The following DRC11 variants were observed in gnomAD, a reference collection of about 807,000 sequenced individuals.
DRC11 encodes dynein regulatory complex subunit 11, also known as IQ and AAA domain-containing protein 1.
the DRC11 span, among the ~76,000 whole-genome samples, chr2:236,479,400 TG>T: frequency 8.1e-4 from 124 of 152,348 alleles, no homozygotes; most frequent in Middle Eastern, 3.4e-3. The surrounding 1 kb of genome is among the most constrained non-coding windows in gnomAD (Gnocchi z 4.1). Context: ...TTTTTCTGGT[TG>T]TTTGTAATTT....
the DRC11 span, among the ~76,000 whole-genome samples, chr2:236,472,904 A>G: frequency 1.3e-5 from 2 of 152,088 alleles, no homozygotes; most frequent in East Asian, 3.9e-4. The surrounding 1 kb of genome is among the most constrained non-coding windows in gnomAD (Gnocchi z 4.6). Flanking sequence ...TTCTCCCTCA[A>G]TGCAGGGGAG....
At chr2:236,468,128 A>C in the DRC11 span, among the ~76,000 whole-genome samples, 4,791 of 152,262 alleles carry the variant, frequency 0.031, 237 homozygotes, top group East Asian at 0.18. Context: ...ACAAGGTCTC[A>C]CTCTGTCACC....
the DRC11 span, among the ~76,000 whole-genome samples, chr2:236,489,502 G>A: frequency 1.3e-5 from 2 of 152,166 alleles, no homozygotes; most frequent in Non-Finnish European, 2.9e-5. Flanking sequence ...CTCTGAGCAG[G>A]CTCAATGGGA....
chr2:236,466,802 G>A, the DRC11 span, among the ~76,000 whole-genome samples: 1 of 152,152 alleles, frequency 6.6e-6, no homozygotes, highest in Non-Finnish European at 1.5e-5. Flanking sequence ...ATTTCAGCAT[G>A]AGATTTGGAG....
the DRC11 span, among the ~76,000 whole-genome samples, chr2:236,498,730 T>C: frequency 6.6e-6 from 1 of 152,174 alleles, no homozygotes; most frequent in Non-Finnish European, 1.5e-5. Context: ...CCTTTGCCGG[T>C]TTCCCGAGAC....
chr2:236,440,365 T>C, the DRC11 span, among the ~76,000 whole-genome samples: 2 of 152,226 alleles, frequency 1.3e-5, no homozygotes, highest in African/African-American at 2.4e-5. Context: ...ATTGCCCTTA[T>C]TGATTTTCAT....
chr2:236,398,366 C>A, the DRC11 span, among the ~76,000 whole-genome samples: 3 of 152,122 alleles, frequency 2.0e-5, no homozygotes, highest in Admixed American at 2.0e-4. This position sits in a 1 kb window ranked among gnomAD's most constrained non-coding sequence, Gnocchi z 6.2. Context: ...GCATATCAAA[C>A]CTATGACCAC....
At chr2:236,386,874 G>A in the DRC11 span, among the ~76,000 whole-genome samples, 5 of 147,612 alleles carry the variant, frequency 3.4e-5, no homozygotes, top group East Asian at 5.9e-4. Context: ...CTTTGTTCTC[G>A]TTGGTTTCAA....
chr2:236,439,847 A>C, the DRC11 span, among the ~76,000 whole-genome samples: 1 of 152,202 alleles, frequency 6.6e-6, no homozygotes, highest in Non-Finnish European at 1.5e-5. Flanking sequence ...AAACGTTTTT[A>C]ATTTAATTTA....
At chr2:236,344,170 T>C in the DRC11 span, among the ~76,000 whole-genome samples, 2 of 152,222 alleles carry the variant, frequency 1.3e-5, no homozygotes, top group African/African-American at 2.4e-5. Flanking sequence ...GCAGTTCTGC[T>C]GAGGGTCTTT....
chr2:236,399,503 A>G, the DRC11 span: 1 of 1,611,500 alleles, frequency 6.2e-7, no homozygotes, highest in Non-Finnish European at 8.5e-7. This position sits in a 1 kb window ranked among gnomAD's most constrained non-coding sequence, Gnocchi z 7.0. Flanking sequence ...TCAAAGCAGA[A>G]TATTTTCGTT....
chr2:236,343,800 C>T, the DRC11 span: 11 of 1,245,900 alleles, frequency 8.8e-6, no homozygotes, highest in African/African-American at 1.7e-4. This position sits in a 1 kb window ranked among gnomAD's most constrained non-coding sequence, Gnocchi z 6.6. Flanking sequence ...AATGAGTTCT[C>T]TGAAGACTTT....
At chr2:236,397,066 G>A in the DRC11 span, among the ~76,000 whole-genome samples, 1 of 152,228 alleles carries the variant, frequency 6.6e-6, no homozygotes, top group African/African-American at 2.4e-5. This position sits in a 1 kb window ranked among gnomAD's most constrained non-coding sequence, Gnocchi z 5.0. Flanking sequence ...CAGAAAGCAT[G>A]AGTGCCGGAG....
the DRC11 span, among the ~76,000 whole-genome samples, chr2:236,371,041 C>T: frequency 9.2e-5 from 14 of 152,272 alleles, no homozygotes; most frequent in East Asian, 1.5e-3. This position sits in a 1 kb window ranked among gnomAD's most constrained non-coding sequence, Gnocchi z 5.1. Flanking sequence ...TCGTGTCCAG[C>T]GGCTGAGCAC....
chr2:236,394,976 C>CAGA, the DRC11 span, among the ~76,000 whole-genome samples: 1 of 152,266 alleles, frequency 6.6e-6, no homozygotes, highest in South Asian at 2.1e-4. This position sits in a 1 kb window ranked among gnomAD's most constrained non-coding sequence, Gnocchi z 7.0. Context: ...GAAAATGATG[C>CAGA]AAATTTCTTT....
At chr2:236,487,943 G>T in the DRC11 span, 1 of 1,204,782 alleles carries the variant, frequency 8.3e-7, no homozygotes. Context: ...AAATTGAGAT[G>T]TATCTTTAGT....
chr2:236,311,762 G>A, the DRC11 span, among the ~76,000 whole-genome samples: 1 of 151,302 alleles, frequency 6.6e-6, no homozygotes, highest in Non-Finnish European at 1.5e-5. This position sits in a 1 kb window ranked among gnomAD's most constrained non-coding sequence, Gnocchi z 6.9. Context: ...GTCTCACTGG[G>A]CCTCCTCTTT....
chr2:236,357,780 TG>T, the DRC11 span, among the ~76,000 whole-genome samples: 56 of 126,246 alleles, frequency 4.4e-4, no homozygotes, highest in South Asian at 2.6e-3. Context: ...TGTAAATATA[TG>T]TTATATATAC....
the DRC11 span, among the ~76,000 whole-genome samples, chr2:236,347,931 G>A: frequency 5.6e-3 from 851 of 151,970 alleles, 7 homozygotes; most frequent in African/African-American, 0.02. Flanking sequence ...CAGTGGACTC[G>A]AGGAGCTAGT....
Sources: gnomAD v4.1 joint callset for allele counts (sites outside exome capture counted in the v4.1 genomes callset) on GRCh38, gnomAD v4.1.1 for gene constraint, Gnocchi (gnomAD v3.1) non-coding constraint, MANE v1.5 for transcripts, NCBI Gene and HGNC (gene_info 2026-07-23, HGNC 2026-07-21) for gene names.